The following SLC24A2 variants were observed in gnomAD, a reference collection of about 807,000 sequenced individuals.
SLC24A2 encodes the protein sodium/potassium/calcium exchanger 2.
A neutral mutation model predicts 62.0 loss-of-function variants in SLC24A2; 36 were observed. That is an observed-to-expected ratio of 0.58 (90% CI 0.44 to 0.77). The LOEUF (loss-of-function observed/expected upper bound fraction) is 0.77, where lower values mean the gene tolerates loss of function less well. Among genes scored for constraint, SLC24A2 ranks in the 30% least tolerant of loss-of-function variants. The pLI is 0.00. For synonymous variants in SLC24A2, 358 were observed against 294.0 expected, an observed-to-expected ratio of 1.22 and a Z score of -2.23; for missense variants, 846 against 817.9, an observed-to-expected ratio of 1.03 and a Z score of -0.42.
chr9:19,844,729 T>G, the SLC24A2 span, among the ~76,000 whole-genome samples: 1 of 152,196 alleles, frequency 6.6e-6, no homozygotes. Flanking sequence ...TTCATTCTTC[T>G]GCGTAAGGCT....
chr9:20,257,983 G>A, the SLC24A2 span, among the ~76,000 whole-genome samples: 2 of 152,202 alleles, frequency 1.3e-5, no homozygotes, highest in African/African-American at 4.8e-5. Flanking sequence ...ACTAGGAAGA[G>A]CAAGGTGAGT....
the SLC24A2 span, among the ~76,000 whole-genome samples, chr9:19,864,954 C>A: frequency 2.6e-5 from 4 of 151,574 alleles, no homozygotes; most frequent in Admixed American, 2.6e-4. Flanking sequence ...GACTCCACCA[C>A]AAAATGCCTA....
In SLC24A2 at chr9:19,688,887, A is replaced by C. The variant is rs376313093; in HGVS notation, c.931-66588T>G. Among the ~76,000 whole-genome samples, 62 of 152,226 alleles carry C rather than the reference A, an allele frequency of 4.1e-4. 1 individual carries two copies. The highest frequency in any genetic ancestry group is 8.3e-4 in the South Asian group (4 of 4,824). On this transcript the variant is annotated intron_variant, in intron 2 of 10. Transcript: ENST00000341998. Reference sequence around the variant, plus strand: ...TGAATAAATACAGTCTCATAGTGTTAAGCTCAAATTGTTATTGAGTACACA... The same window carrying C: ...TGAATAAATACAGTCTCATAGTGTTCAGCTCAAATTGTTATTGAGTACACA...
At chr9:19,651,991 T>G (rs1564018520) in intron 2 of SLC24A2, among the ~76,000 whole-genome samples, 1 of 152,210 alleles carries the variant, frequency 6.6e-6, no homozygotes, top group South Asian at 2.1e-4. Flanking sequence ...GTGAATTATT[T>G]CACAAGTAAA....
intron 5 of SLC24A2, among the ~76,000 whole-genome samples, chr9:19,582,626 G>A (rs1381921833): frequency 6.6e-6 from 1 of 152,106 alleles, no homozygotes; most frequent in East Asian, 1.9e-4. Context: ...TGAAGTTTAT[G>A]GCTTGCCAGG....
intron 2 of SLC24A2, among the ~76,000 whole-genome samples, chr9:19,625,277 T>A (rs996890864): frequency 6.6e-6 from 1 of 152,130 alleles, no homozygotes; most frequent in Non-Finnish European, 1.5e-5. Context: ...ATGCTATGGA[T>A]TGGCTTAACA....
At chr9:20,245,324 G>A in the SLC24A2 span, among the ~76,000 whole-genome samples, 1 of 152,180 alleles carries the variant, frequency 6.6e-6, no homozygotes. Flanking sequence ...AACTGTGACT[G>A]TATCAAGGAA....
At chr9:20,175,776 C>T in the SLC24A2 span, among the ~76,000 whole-genome samples, 2 of 151,994 alleles carry the variant, frequency 1.3e-5, no homozygotes, top group Middle Eastern at 3.2e-3. Context: ...TCTAAGTAAA[C>T]TGTAAGTTCC....
the SLC24A2 span, among the ~76,000 whole-genome samples, chr9:20,034,718 T>C: frequency 1.3e-5 from 2 of 152,270 alleles, no homozygotes; most frequent in East Asian, 1.9e-4. Flanking sequence ...TCCGCCCGCC[T>C]TGACCTCCCA....
At chr9:20,300,991 G>T in the SLC24A2 span, among the ~76,000 whole-genome samples, 14,328 of 152,108 alleles carry the variant, frequency 0.094, 1,430 homozygotes, top group East Asian at 0.31. Context: ...TCCATCCATT[G>T]AGTAAAAAGA....
Position 19,771,396 on chromosome 9 carries a change from C to T in SLC24A2, c.930+14541G>A, listed in dbSNP as rs1394653509. 2.0e-5 allele frequency among the ~76,000 whole-genome samples: 3 copies of T among 152,178 alleles called. No individual in the cohort carries two copies. In the East Asian group the frequency reaches 5.8e-4, roughly 29 times the overall value. On this transcript the variant is annotated intron_variant, in intron 2 of 10. Transcript: ENST00000341998. ...TCCTAAGCCTGTTCTCCCATCTCAC[C>T]TTCACTTAGACTTTCAAGGTCAGAG...
At chr9:20,005,246 T>C in the SLC24A2 span, among the ~76,000 whole-genome samples, 7 of 152,154 alleles carry the variant, frequency 4.6e-5, no homozygotes, top group African/African-American at 1.4e-4. Flanking sequence ...CCCTTTTTCA[T>C]TTGAACAAAT....
chr9:19,815,422 T>C, the SLC24A2 span, among the ~76,000 whole-genome samples: 1 of 152,142 alleles, frequency 6.6e-6, no homozygotes, highest in Non-Finnish European at 1.5e-5. Context: ...TGGGACAATT[T>C]CCCCAAAACC....
At chr9:20,221,691 C>A in the SLC24A2 span, among the ~76,000 whole-genome samples, 1 of 151,860 alleles carries the variant, frequency 6.6e-6, no homozygotes, top group Admixed American at 6.6e-5. Flanking sequence ...GGCAGAACAT[C>A]AAAGAAAATG....
chr9:19,751,756 C>A (rs879716467), intron 2 of SLC24A2, among the ~76,000 whole-genome samples: 1 of 152,118 alleles, frequency 6.6e-6, no homozygotes, highest in Admixed American at 6.6e-5. Context: ...CTGAACATTA[C>A]GGATAGGACC....
At chr9:20,150,516 A>G in the SLC24A2 span, among the ~76,000 whole-genome samples, 1 of 152,042 alleles carries the variant, frequency 6.6e-6, no homozygotes, top group Non-Finnish European at 1.5e-5. Flanking sequence ...AACTGCTGGA[A>G]TCTTTCTAGA....
chr9:19,925,399 G>A, the SLC24A2 span, among the ~76,000 whole-genome samples: 1 of 152,134 alleles, frequency 6.6e-6, no homozygotes, highest in Non-Finnish European at 1.5e-5. Flanking sequence ...TAATACATGT[G>A]AAAATTTTGG....
chr9:20,296,058 G>C, the SLC24A2 span, among the ~76,000 whole-genome samples: 1 of 152,158 alleles, frequency 6.6e-6, no homozygotes, highest in Admixed American at 6.5e-5. Flanking sequence ...TAATTTAATT[G>C]TGTGAGGCTA....
At chr9:19,597,107 T>A in intron 5 of SLC24A2, 122 bp downstream of exon 5, 1 of 724,600 alleles carries the variant, frequency 1.4e-6, no homozygotes, top group East Asian at 2.6e-5. Flanking sequence ...GCAGAAAGAA[T>A]AGTAAGTCAC....
Sources: allele counts gnomAD v4.1 joint callset (sites outside exome capture counted in the v4.1 genomes callset), GRCh38; gene constraint gnomAD v4.1.1; transcripts MANE v1.5; gene names NCBI Gene and HGNC (gene_info 2026-07-23, HGNC 2026-07-21).